PTPRN2: variants seen among roughly 807,000 people sequenced by gnomAD.
The protein encoded by PTPRN2 is protein tyrosine phosphatase receptor type N2, also known as receptor-type tyrosine-protein phosphatase N2.
A neutral mutation model predicts 118.8 loss-of-function variants in PTPRN2; 74 were observed. That is an observed-to-expected ratio of 0.62 (90% CI 0.52 to 0.76). The LOEUF (loss-of-function observed/expected upper bound fraction) is 0.76, where lower values mean the gene tolerates loss of function less well. PTPRN2 is among the 30% of genes least tolerant of loss of function. The pLI is 0.00. For missense variants in PTPRN2, 1,481 were observed against 1,394.4 expected, an observed-to-expected ratio of 1.06 and a Z score of -0.99; for synonymous variants, 641 against 608.0, an observed-to-expected ratio of 1.05 and a Z score of -0.80.
At position 157,964,274 on chromosome 7, in the gene PTPRN2, C is replaced by T. The variant is rs370184370; in HGVS notation, c.1724-65537G>A. On this transcript the variant is annotated intron_variant, in intron 11 of 22. Transcript: ENST00000389418. The surrounding 1 kb of genome is among the most constrained non-coding windows in gnomAD (Gnocchi z 9.0). ...AGAAACACTAGGCCAGACTGGGGTC[C>T]GCCCCACACGCACAGAGGATCACTG... 1.4e-4 allele frequency among the ~76,000 whole-genome samples: 22 copies of T among 152,212 alleles called. No homozygotes were observed. The highest frequency in any genetic ancestry group is 4.1e-4 in the South Asian group (2 of 4,820).
chr7:158,171,316 T>TATATATATATATATACATAC (rs1823662967), intron 5 of PTPRN2, among the ~76,000 whole-genome samples: 1 of 92,062 alleles, frequency 1.1e-5, no homozygotes, highest in African/African-American at 4.7e-5. Flanking sequence ...CACATATATA[T>TATATATATATATATACATAC]ATATATATAT....
chr7:158,149,014 C>A (rs1357331665), intron 6 of PTPRN2, among the ~76,000 whole-genome samples: 5 of 136,416 alleles, frequency 3.7e-5, no homozygotes, highest in African/African-American at 1.2e-4. Context: ...CAATGACATC[C>A]CATCTCACGC....
At chr7:158,429,550 T>C (rs1443251669) in intron 2 of PTPRN2, among the ~76,000 whole-genome samples, 1 of 152,158 alleles carries the variant, frequency 6.6e-6, no homozygotes, top group African/African-American at 2.4e-5. Context: ...AGCTCCCTCA[T>C]TCCCGGCCTG....
chr7:158,085,594 A>G (rs1178771652), intron 10 of PTPRN2, among the ~76,000 whole-genome samples: 6 of 90,508 alleles, frequency 6.6e-5, no homozygotes, highest in South Asian at 4.7e-4. Flanking sequence ...CCATCCAGAT[A>G]CCCATCCACA....
rs1000913631 is a variant in PTPRN2, at chr7:158,563,270, G to A, written c.112+24288C>T. Among the ~76,000 whole-genome samples the A allele has an allele frequency of 6.6e-6, 1 of 152,158 alleles. No homozygotes were observed. Among genetic ancestry groups the A allele is most frequent in the Non-Finnish European group, 1.5e-5 (1 of 68,026 alleles). On this transcript the variant is annotated intron_variant, in intron 1 of 22. Coordinates refer to ENST00000389418, the MANE Select transcript of PTPRN2 (RefSeq NM_002847.5). This position sits in a 1 kb window ranked among gnomAD's most constrained non-coding sequence, Gnocchi z 5.1. Reference sequence around the variant, plus strand: ...GCTTCTTGGAAAATATGAAATTGCTGACCGATCCCCAGCATCAACTTCGCC... The same window carrying A: ...GCTTCTTGGAAAATATGAAATTGCTAACCGATCCCCAGCATCAACTTCGCC...
intron 2 of PTPRN2, among the ~76,000 whole-genome samples, chr7:158,339,330 C>T (rs1586368230): frequency 1.3e-4 from 1 of 7,668 alleles, no homozygotes; most frequent in Non-Finnish European, 2.5e-4. Context: ...CACTCTCAAC[C>T]ATAAGAGGTG....
At chr7:158,381,480 G>A (rs1181737219) in intron 2 of PTPRN2, among the ~76,000 whole-genome samples, 5 of 152,102 alleles carry the variant, frequency 3.3e-5, no homozygotes, top group African/African-American at 7.2e-5. Context: ...TTCCATCTGA[G>A]ACCACCTCAG....
At chr7:158,584,467 GC>G (rs1828811461) in intron 1 of PTPRN2, among the ~76,000 whole-genome samples, 1 of 152,202 alleles carries the variant, frequency 6.6e-6, no homozygotes, top group Non-Finnish European at 1.5e-5. Context: ...TGTCTGAACA[GC>G]CCTGCATAAC....
chr7:158,170,635 T>C (rs1041524600), intron 5 of PTPRN2, among the ~76,000 whole-genome samples: 1 of 152,244 alleles, frequency 6.6e-6, no homozygotes, highest in East Asian at 1.9e-4. Flanking sequence ...GGCTACTCAA[T>C]AGATGATTGC....
intron 11 of PTPRN2, among the ~76,000 whole-genome samples, chr7:157,930,050 C>A (rs1009809958): frequency 2.0e-5 from 3 of 152,158 alleles, no homozygotes; most frequent in African/African-American, 7.2e-5. Context: ...ATCATGCCAT[C>A]GTGCACACTG....
chr7:157,661,723 G>A (rs1204080448), intron 13 of PTPRN2, among the ~76,000 whole-genome samples: 1 of 152,170 alleles, frequency 6.6e-6, no homozygotes, highest in Non-Finnish European at 1.5e-5. Context: ...TGGGGCTGAA[G>A]CCCCCCATGC....
At chr7:157,997,626 C>T (rs892190125) in intron 11 of PTPRN2, among the ~76,000 whole-genome samples, 3 of 151,234 alleles carry the variant, frequency 2.0e-5, no homozygotes, top group African/African-American at 4.9e-5. Context: ...TGCAGATAAA[C>T]GTGGGGGGAG....
At chr7:158,558,808 G>A (rs754442463) in intron 1 of PTPRN2, among the ~76,000 whole-genome samples, 1 of 151,640 alleles carries the variant, frequency 6.6e-6, no homozygotes, top group Non-Finnish European at 1.5e-5. Context: ...CTTCCTCTGG[G>A]GTGCCACTCA....
chr7:158,199,741 A>G (rs1447763207), intron 4 of PTPRN2, among the ~76,000 whole-genome samples: 1 of 152,172 alleles, frequency 6.6e-6, no homozygotes, highest in African/African-American at 2.4e-5. Context: ...CAGATCACGC[A>G]TTCTGTCCTT....
rs74910510 is a variant in PTPRN2, at chr7:157,667,704, G to A, written c.2002-11153C>T. Among the ~76,000 whole-genome samples, 733 of 152,350 alleles carry A rather than the reference G, an allele frequency of 4.8e-3. 20 individuals are homozygous for A. In the South Asian group the frequency reaches 0.076, roughly 16 times the overall value. Reference sequence around the variant, plus strand: ...TTGCCCTAAATGGAAATGCTCCACCGCAAAACTCAATGTGATGCTAGTGCC... The same window carrying A: ...TTGCCCTAAATGGAAATGCTCCACCACAAAACTCAATGTGATGCTAGTGCC... On this transcript the variant is annotated intron_variant, in intron 13 of 22. Transcript: ENST00000389418.
intron 17 of PTPRN2, among the ~76,000 whole-genome samples, chr7:157,586,603 G>A (rs575448653): frequency 1.3e-5 from 2 of 152,104 alleles, no homozygotes; most frequent in African/African-American, 4.8e-5. Context: ...GCTGCTGGAT[G>A]CTGGGTATGT....
intron 12 of PTPRN2, among the ~76,000 whole-genome samples, chr7:157,795,961 G>A (rs1248710304): frequency 6.6e-6 from 1 of 152,210 alleles, no homozygotes; most frequent in Non-Finnish European, 1.5e-5. Context: ...TGATGGAGGG[G>A]GGCAGGCGCC....
chr7:158,145,969 G>A (rs1250110794), intron 6 of PTPRN2, among the ~76,000 whole-genome samples: 1 of 152,182 alleles, frequency 6.6e-6, no homozygotes, highest in Non-Finnish European at 1.5e-5. Flanking sequence ...GACAAGTGAG[G>A]CATGGGCCCA....
At chr7:157,762,536 T>C (rs1255516675) in intron 12 of PTPRN2, among the ~76,000 whole-genome samples, 2 of 139,294 alleles carry the variant, frequency 1.4e-5, no homozygotes, top group Non-Finnish European at 3.0e-5. Context: ...TAGGTGGGAA[T>C]TGAACAATGA....
Sources: allele counts gnomAD v4.1 joint callset (sites outside exome capture counted in the v4.1 genomes callset), GRCh38; gene constraint gnomAD v4.1.1; non-coding constraint Gnocchi (gnomAD v3.1); transcripts MANE v1.5; gene names NCBI Gene and HGNC (gene_info 2026-07-23, HGNC 2026-07-21).